Variants in TRPC6 observed in about 807,000 individuals in gnomAD.
TRPC6 encodes the protein short transient receptor potential channel 6.
A neutral mutation model predicts 90.7 loss-of-function variants in TRPC6; 55 were observed. The observed-to-expected ratio is 0.61, with a 90% confidence interval of 0.49 to 0.76. The LOEUF is 0.76. Ranked by LOEUF, TRPC6 falls within the 30% of genes least tolerant of loss-of-function variation. TRPC6 has a pLI of 0.00. For missense variants in TRPC6, 989 were observed against 1,122.7 expected, an observed-to-expected ratio of 0.88 and a Z score of 1.70; for synonymous variants, 393 against 393.0, an observed-to-expected ratio of 1.00 and a Z score of 0.00.
intron 1 of TRPC6, among the ~76,000 whole-genome samples, chr11:101,579,017 GA>G (rs1309918147): frequency 6.6e-6 from 1 of 151,790 alleles, no homozygotes; most frequent in East Asian, 1.9e-4. Flanking sequence ...TCATAAACAT[GA>G]AAATTCATTA....
intron 1 of TRPC6, among the ~76,000 whole-genome samples, chr11:101,562,208 T>A (rs1313190415): frequency 6.6e-6 from 1 of 152,096 alleles, no homozygotes; most frequent in Non-Finnish European, 1.5e-5. Flanking sequence ...GAAAGAGACA[T>A]AATTGACTTA....
At chr11:101,558,392 T>TATATGTAG (rs1591136198) in intron 1 of TRPC6, among the ~76,000 whole-genome samples, 3 of 79,168 alleles carry the variant, frequency 3.8e-5, no homozygotes, top group East Asian at 3.8e-4. Context: ...TATACATGTA[T>TATATGTAG]ACATATACAC....
At chr11:101,533,362 A>T (rs1437245330) in intron 1 of TRPC6, among the ~76,000 whole-genome samples, 1 of 152,042 alleles carries the variant, frequency 6.6e-6, no homozygotes. Flanking sequence ...CAAGAGAGAG[A>T]GAGTTTGGTT....
chr11:101,551,043 C>T (rs1019822544), intron 1 of TRPC6, among the ~76,000 whole-genome samples: 2 of 151,652 alleles, frequency 1.3e-5, no homozygotes, highest in African/African-American at 4.8e-5. Flanking sequence ...ACTACAAATA[C>T]GTACGTACAT....
intron 1 of TRPC6, among the ~76,000 whole-genome samples, chr11:101,549,177 G>C (rs1326890215): frequency 6.6e-6 from 1 of 151,950 alleles, no homozygotes; most frequent in African/African-American, 2.4e-5. Context: ...TGATTTAAGA[G>C]CAAGTGAAGT....
At chr11:101,501,632 T>C (rs949349947) in intron 2 of TRPC6, among the ~76,000 whole-genome samples, 3 of 152,136 alleles carry the variant, frequency 2.0e-5, no homozygotes, top group African/African-American at 4.8e-5. Flanking sequence ...CACCCTTGTA[T>C]GGCAGTTCTT....
intron 1 of TRPC6, among the ~76,000 whole-genome samples, chr11:101,566,010 A>C (rs10895141): frequency 0.62 from 94,072 of 151,984 alleles, 29,319 homozygotes; most frequent in Non-Finnish European, 0.66. Context: ...CTTCAGTAAT[A>C]TCTTTCGCCA....
chr11:101,547,249 A>G (rs1861327590), intron 1 of TRPC6, among the ~76,000 whole-genome samples: 1 of 145,076 alleles, frequency 6.9e-6, no homozygotes, highest in Non-Finnish European at 1.5e-5. Flanking sequence ...ATTATTACAA[A>G]GCATTAATTA....
chr11:101,527,923 A>C (rs1474403465), intron 1 of TRPC6, among the ~76,000 whole-genome samples: 1 of 152,128 alleles, frequency 6.6e-6, no homozygotes, highest in Non-Finnish European at 1.5e-5. Context: ...AATTAAAAAA[A>C]TTAGCTGGGC....
chr11:101,501,914 T>C (rs1400954069), intron 2 of TRPC6, among the ~76,000 whole-genome samples: 1 of 152,210 alleles, frequency 6.6e-6, no homozygotes, highest in Non-Finnish European at 1.5e-5. Flanking sequence ...TAAAAGACAT[T>C]AGTAACATAC....
intron 1 of TRPC6, among the ~76,000 whole-genome samples, chr11:101,535,475 A>G (rs566977779): frequency 7.2e-5 from 11 of 151,868 alleles, no homozygotes; most frequent in Non-Finnish European, 1.2e-4. Flanking sequence ...AAACTTTCTG[A>G]GTCTTTTTAA....
chr11:101,507,199 T>C (rs1017049728), intron 1 of TRPC6, among the ~76,000 whole-genome samples: 4 of 152,090 alleles, frequency 2.6e-5, no homozygotes, highest in Non-Finnish European at 5.9e-5. Context: ...AGCTTCCCTA[T>C]AACCTTAAAC....
At chr11:101,566,999 C>T (rs886149671) in intron 1 of TRPC6, among the ~76,000 whole-genome samples, 1 of 151,422 alleles carries the variant, frequency 6.6e-6, no homozygotes, top group Non-Finnish European at 1.5e-5. Flanking sequence ...ACCCCAGTGG[C>T]ACCTGGAACG....
chr11:101,511,037 T>A (rs1403575630), intron 1 of TRPC6, among the ~76,000 whole-genome samples: 2 of 152,176 alleles, frequency 1.3e-5, no homozygotes, highest in Non-Finnish European at 2.9e-5. Flanking sequence ...GCCGTAAGCG[T>A]AATGTAGATT....
chr11:101,560,603 C>T (rs1339070271), intron 1 of TRPC6, among the ~76,000 whole-genome samples: 1 of 151,898 alleles, frequency 6.6e-6, no homozygotes, highest in Non-Finnish European at 1.5e-5. Flanking sequence ...CTGAAATACC[C>T]GAAAGCCCCA....
At chr11:101,520,091 C>A (rs1860620646) in intron 1 of TRPC6, among the ~76,000 whole-genome samples, 1 of 151,992 alleles carries the variant, frequency 6.6e-6, no homozygotes, top group Non-Finnish European at 1.5e-5. Flanking sequence ...GTGTCCCTGC[C>A]CAAATCTCAT....
chr11:101,483,220 AAC>A (rs1430854310), intron 4 of TRPC6, 55 bp from the exon 5 acceptor site: 1 of 1,568,098 alleles, frequency 6.4e-7, no homozygotes, highest in Non-Finnish European at 8.8e-7. Flanking sequence ...CACTTTGCAA[AAC>A]ACACATACAT....
Position 101,464,527 on chromosome 11 carries a change from C to T in TRPC6, c.2484+4900G>A, listed in dbSNP as rs148074570. On this transcript the variant is annotated intron_variant, in intron 10 of 12. Transcript: ENST00000344327. ...AGTTAGGTCTCTTGTTGCATTGATC[C>T]CTTTACCATTATGTAATGCCCTTCA... 8.6e-3 allele frequency among the ~76,000 whole-genome samples: 1,316 copies of T among 152,156 alleles called. 20 individuals are homozygous for T. The highest frequency in any genetic ancestry group is 0.03 in the African/African-American group (1,225 of 41,498).
At chr11:101,559,332 TAAC>T (rs1416427439) in intron 1 of TRPC6, among the ~76,000 whole-genome samples, 2 of 152,180 alleles carry the variant, frequency 1.3e-5, no homozygotes, top group Non-Finnish European at 2.9e-5. Flanking sequence ...TCATAAATCA[TAAC>T]AATACTTTAT....
Sources: allele counts gnomAD v4.1 joint callset (sites outside exome capture counted in the v4.1 genomes callset), GRCh38; gene constraint gnomAD v4.1.1; transcripts MANE v1.5; gene names NCBI Gene and HGNC (gene_info 2026-07-23, HGNC 2026-07-21).